NRG3: variants seen among roughly 807,000 people sequenced by gnomAD.
The protein encoded by NRG3 is pro-neuregulin-3, membrane-bound isoform.
In NRG3, 31 loss-of-function variants were observed where a neutral mutation model predicts 66.9. The observed-to-expected ratio is 0.46, with a 90% confidence interval of 0.35 to 0.63. The LOEUF is 0.63. Among genes scored for constraint, NRG3 ranks in the 20% least tolerant of loss-of-function variants. The pLI is 0.00. For missense variants in NRG3, 910 were observed against 878.9 expected (o/e 1.04, Z -0.45); for synonymous variants, 393 against 359.4 (o/e 1.09, Z -1.06).
intron 1 of NRG3, among the ~76,000 whole-genome samples, chr10:82,256,383 T>G (rs959609440): frequency 5.9e-5 from 9 of 152,200 alleles, no homozygotes; most frequent in African/African-American, 2.2e-4. Flanking sequence ...TTTGAATGCT[T>G]TGTATACTGT....
intron 2 of NRG3, among the ~76,000 whole-genome samples, chr10:82,548,652 G>A (rs971613680): frequency 6.6e-6 from 1 of 151,974 alleles, no homozygotes; most frequent in East Asian, 1.9e-4. Context: ...ATGTGTTCAG[G>A]AGGAAGTCCA....
chr10:82,100,365 C>T (rs1247720065), intron 1 of NRG3, among the ~76,000 whole-genome samples: 1 of 151,890 alleles, frequency 6.6e-6, no homozygotes, highest in Non-Finnish European at 1.5e-5. Flanking sequence ...TGTATATCTC[C>T]CTCTTCCTTT....
At chr10:81,976,889 A>T (rs1479118070) in intron 1 of NRG3, among the ~76,000 whole-genome samples, 2 of 152,162 alleles carry the variant, frequency 1.3e-5, no homozygotes. Flanking sequence ...CATCTGATAA[A>T]CTTGTATACA....
At chr10:82,972,325 T>A (rs1208909226) in intron 6 of NRG3, among the ~76,000 whole-genome samples, 1 of 152,198 alleles carries the variant, frequency 6.6e-6, no homozygotes, top group Non-Finnish European at 1.5e-5. Context: ...GGATTTTTTG[T>A]TTTTAAATGT....
At chr10:82,654,623 A>G (rs1439820292) in intron 2 of NRG3, among the ~76,000 whole-genome samples, 3 of 152,234 alleles carry the variant, frequency 2.0e-5, no homozygotes, top group Non-Finnish European at 4.4e-5. Flanking sequence ...AAGTCTCATC[A>G]TTAGTTATTT....
chr10:82,428,098 T>G lies in NRG3; in HGVS notation c.953+69230T>G, dbSNP rs541301863. On this transcript the variant is annotated intron_variant, in intron 2 of 8. Transcript: ENST00000372141. ...CAATTTGAACTTCTGTATTCATGGT[T>G]AGTCTAGTTAAAAATTTTTCAATTT... is the stretch of plus-strand genomic sequence containing the variant. 2.0e-5 allele frequency among the ~76,000 whole-genome samples: 3 copies of G among 152,052 alleles called. No homozygotes were observed. In the South Asian group the frequency reaches 6.2e-4, roughly 31 times the overall value.
chr10:82,432,509 A>T (rs1015362863), intron 2 of NRG3, among the ~76,000 whole-genome samples: 2 of 151,898 alleles, frequency 1.3e-5, no homozygotes, highest in Admixed American at 6.6e-5. Flanking sequence ...AAAAAAAAAA[A>T]AAAAACAGGA....
chr10:82,381,300 T>C (rs1193140527), intron 2 of NRG3, among the ~76,000 whole-genome samples: 1 of 152,172 alleles, frequency 6.6e-6, no homozygotes, highest in Non-Finnish European at 1.5e-5. Context: ...GAATGGAATA[T>C]GTTGTAATGG....
intron 3 of NRG3, among the ~76,000 whole-genome samples, chr10:82,774,555 A>G (rs1428891842): frequency 6.6e-6 from 1 of 151,988 alleles, no homozygotes; most frequent in Non-Finnish European, 1.5e-5. Context: ...ATATGTTAAC[A>G]TATAATTGTT....
chr10:81,946,734 CTG>C (rs1452374623), intron 1 of NRG3, among the ~76,000 whole-genome samples: 1 of 152,184 alleles, frequency 6.6e-6, no homozygotes, highest in East Asian at 1.9e-4. Flanking sequence ...AATACATGAG[CTG>C]TCCATCATGG....
chr10:82,925,811 T>A (rs1262807129), intron 4 of NRG3, among the ~76,000 whole-genome samples: 1 of 152,176 alleles, frequency 6.6e-6, no homozygotes, highest in East Asian at 1.9e-4. Context: ...AACTAGCAGC[T>A]TAAACTGGAA....
rs80256220 is a variant in NRG3, at chr10:82,977,944, A to G, written c.1413-1006A>G. On this transcript the variant is annotated intron_variant, in intron 7 of 8. Coordinates refer to ENST00000372141, the MANE Select transcript of NRG3 (RefSeq NM_001010848.4). ...TTTAGAACCTTGATAAATTTATTGA[A>G]ATTTTGAGAATGTTTTCATCTTTCT... 2.9e-4 allele frequency among the ~76,000 whole-genome samples: 44 copies of G among 152,292 alleles called. No homozygotes were observed. The East Asian group carries it at 7.7e-3, about 27-fold the overall frequency.
chr10:82,616,197 G>C, intron 2 of NRG3, among the ~76,000 whole-genome samples: 1 of 152,042 alleles, frequency 6.6e-6, no homozygotes, highest in East Asian at 1.9e-4. Flanking sequence ...ATCTTCTTTT[G>C]CTATTCAGGA....
At chr10:82,283,963 G>T (rs1167265873) in intron 1 of NRG3, among the ~76,000 whole-genome samples, 4 of 152,206 alleles carry the variant, frequency 2.6e-5, no homozygotes, top group Non-Finnish European at 5.9e-5. Context: ...CTCGTAGTTT[G>T]CTAAGGAGGA....
At chr10:82,526,988 T>C (rs1380777246) in intron 2 of NRG3, among the ~76,000 whole-genome samples, 1 of 152,088 alleles carries the variant, frequency 6.6e-6, no homozygotes, top group Non-Finnish European at 1.5e-5. Flanking sequence ...ATGTTTGAAG[T>C]TACATACTCC....
At chr10:82,550,854 A>G (rs1005657989) in intron 2 of NRG3, among the ~76,000 whole-genome samples, 6 of 152,124 alleles carry the variant, frequency 3.9e-5, no homozygotes, top group African/African-American at 1.4e-4. Context: ...ACCTACGCCC[A>G]ACTTCTTCAC....
intron 2 of NRG3, among the ~76,000 whole-genome samples, chr10:82,504,358 T>A (rs1844478926): frequency 6.6e-6 from 1 of 152,220 alleles, no homozygotes. Context: ...GTGGCCCTTT[T>A]CCTCAGCATA....
intron 2 of NRG3, among the ~76,000 whole-genome samples, chr10:82,723,077 T>C (rs1480596119): frequency 6.6e-6 from 1 of 152,210 alleles, no homozygotes; most frequent in African/African-American, 2.4e-5. Flanking sequence ...ACCTAGGTGC[T>C]GATCAACAGT....
chr10:82,219,509 TTTC>T lies in NRG3; in HGVS notation c.824-139224_824-139222del, dbSNP rs558944668. 9.7e-4 allele frequency among the ~76,000 whole-genome samples: 147 copies of T among 152,188 alleles called. 1 individual carries two copies. The highest frequency in any genetic ancestry group is 3.4e-3 in the Middle Eastern group (1 of 294). On this transcript the variant is annotated intron_variant, in intron 1 of 8. Coordinates refer to ENST00000372141, the MANE Select transcript of NRG3 (RefSeq NM_001010848.4). Reference sequence around the variant, plus strand: ...TAGTACTTTGTGACCTGATTTTGTGTTTCTTCTTGCATGATTATTTTTTGGGCC... The same window carrying T: ...TAGTACTTTGTGACCTGATTTTGTGTTTCTTGCATGATTATTTTTTGGGCC...
Sources: gnomAD v4.1 joint callset for allele counts (sites outside exome capture counted in the v4.1 genomes callset) on GRCh38, gnomAD v4.1.1 for gene constraint, MANE v1.5 for transcripts, NCBI Gene and HGNC (gene_info 2026-07-23, HGNC 2026-07-21) for gene names.